SGCD: variants seen among roughly 807,000 people sequenced by gnomAD.
The protein encoded by SGCD is delta-sarcoglycan.
Under a neutral mutation model 36.6 loss-of-function variants are expected in SGCD, and 18 were observed. The observed-to-expected ratio is 0.49, with a 90% CI of 0.34 to 0.73. The LOEUF is 0.73. Ranked by LOEUF, SGCD falls within the 30% of genes least tolerant of loss-of-function variation. The pLI, the probability that SGCD is intolerant of heterozygous loss-of-function variation, is 0.01. For missense variants in SGCD, 387 were observed against 346.7 expected, an observed-to-expected ratio of 1.12 and a Z score of -0.92; for synonymous variants, 133 against 130.6, an observed-to-expected ratio of 1.02 and a Z score of -0.12.
chr5:156,407,459 G>A (rs1329586628), intron 3 of SGCD, among the ~76,000 whole-genome samples: 3 of 152,170 alleles, frequency 2.0e-5, no homozygotes, highest in Non-Finnish European at 2.9e-5. Flanking sequence ...CTAAGCGGGG[G>A]AGGGGATCAT....
At chr5:156,649,000 G>A (rs1354607935) in intron 7 of SGCD, among the ~76,000 whole-genome samples, 1 of 152,080 alleles carries the variant, frequency 6.6e-6, no homozygotes, top group Non-Finnish European at 1.5e-5. Context: ...TTAGCCCCAA[G>A]AAAAAGTGCT....
chr5:156,576,218 T>A (rs1002058206), intron 4 of SGCD, among the ~76,000 whole-genome samples: 9 of 152,180 alleles, frequency 5.9e-5, no homozygotes, highest in Non-Finnish European at 1.2e-4. Context: ...AATGATGGTT[T>A]CCAGCTGCAT....
At chr5:156,483,427 T>G (rs1755526268) in intron 3 of SGCD, among the ~76,000 whole-genome samples, 1 of 152,208 alleles carries the variant, frequency 6.6e-6, no homozygotes, top group Non-Finnish European at 1.5e-5. Context: ...AGAGAATTGA[T>G]ACAAATTGCA....
chr5:156,285,422 A>T (rs147140950), intron 3 of SGCD, among the ~76,000 whole-genome samples: 8,248 of 152,208 alleles, frequency 0.054, 673 homozygotes, highest in African/African-American at 0.17. Flanking sequence ...GACTTCAAAC[A>T]ATACTACACG....
chr5:156,073,979 G>A (rs1561707771), intron 1 of SGCD, among the ~76,000 whole-genome samples: 1 of 152,196 alleles, frequency 6.6e-6, no homozygotes, highest in Non-Finnish European at 1.5e-5. Flanking sequence ...GCTAGGTCTT[G>A]AAGGGTGAGT....
chr5:156,186,274 A>G lies in SGCD; in HGVS notation c.-44+62255A>G, dbSNP rs530236059. 9.8e-4 allele frequency among the ~76,000 whole-genome samples: 149 copies of G among 152,196 alleles called. 1 individual carries two copies. The highest frequency in any genetic ancestry group is 3.4e-3 in the African/African-American group (141 of 41,548). On this transcript the variant is annotated intron_variant, in intron 3 of 9. Coordinates refer to the SGCD transcript ENST00000517913. The stretch of plus-strand genomic sequence containing the variant: ...TGACTTCTATATTGAGTTCTAACAT[A>G]TTGAGGTTGTGACTGGTGGGTAGTT...
chr5:156,263,588 T>A (rs1765923982), intron 3 of SGCD, among the ~76,000 whole-genome samples: 1 of 152,168 alleles, frequency 6.6e-6, no homozygotes, highest in African/African-American at 2.4e-5. Flanking sequence ...TGCAGAAACT[T>A]TTTAGTTTAA....
intron 3 of SGCD, among the ~76,000 whole-genome samples, chr5:156,373,804 G>A (rs1484678643): frequency 6.6e-6 from 1 of 152,128 alleles, no homozygotes; most frequent in Admixed American, 6.6e-5. Flanking sequence ...AGGCCAAGAG[G>A]GTGTGACATA....
At chr5:155,918,770 G>A (rs1056622290) in intron 1 of SGCD, among the ~76,000 whole-genome samples, 3 of 152,158 alleles carry the variant, frequency 2.0e-5, no homozygotes, top group Non-Finnish European at 4.4e-5. Context: ...TTCTGATCCA[G>A]TTTTTCTCTC....
chr5:156,273,037 A>T (rs193127006), intron 3 of SGCD, among the ~76,000 whole-genome samples: 33 of 152,326 alleles, frequency 2.2e-4, no homozygotes, highest in African/African-American at 7.9e-4. Context: ...GGGAAATTTA[A>T]CATTTCCTTT....
At chr5:156,222,508 T>C (rs1168402692) in intron 3 of SGCD, among the ~76,000 whole-genome samples, 1 of 152,118 alleles carries the variant, frequency 6.6e-6, no homozygotes, top group Non-Finnish European at 1.5e-5. Flanking sequence ...GTGAGGTACA[T>C]TGCTGTTATA....
intron 3 of SGCD, among the ~76,000 whole-genome samples, chr5:156,270,341 G>T (rs1219044969): frequency 6.6e-6 from 1 of 152,096 alleles, no homozygotes; most frequent in Non-Finnish European, 1.5e-5. Flanking sequence ...GCCTTCCTTG[G>T]CTATTCAAGC....
Position 156,056,645 on chromosome 5 carries a change from T to TAAAAAAAAAAAAAAAAAAAAAAAAA in SGCD, c.-281-61213_-281-61212insAAAAAAAAAAAAAAAAAAAAAAAAA, listed in dbSNP as rs561328077. Among the ~76,000 whole-genome samples, 6 of 68,254 alleles carry TAAAAAAAAAAAAAAAAAAAAAAAAA rather than the reference T, an allele frequency of 8.8e-5. 1 individual carries two copies. Among genetic ancestry groups the TAAAAAAAAAAAAAAAAAAAAAAAAA allele is most frequent in the East Asian group, 1.3e-3 (2 of 1,572 alleles). 44.8% of individuals were successfully genotyped at this position (68,254 alleles called of 152,430 possible). A position where few individuals can be genotyped will look rare whatever the true frequency, so the allele number is the denominator to read the frequency against. On this transcript the variant is annotated intron_variant, in intron 1 of 9. Transcript: ENST00000517913. ...GGTCCCCTACCTGCCAAATTATCCT[T>TAAAAAAAAAAAAAAAAAAAAAAAAA]AAAAAAAAAAAAAAAAAAAACAGTC...
At chr5:156,674,613 GA>G (rs1206312996) in intron 7 of SGCD, among the ~76,000 whole-genome samples, 1 of 152,156 alleles carries the variant, frequency 6.6e-6, no homozygotes, top group Non-Finnish European at 1.5e-5. Context: ...GCATCAGAAG[GA>G]GAGAGGATTT....
intron 4 of SGCD, among the ~76,000 whole-genome samples, chr5:156,578,909 A>G (rs1031750201): frequency 2.6e-5 from 4 of 152,040 alleles, no homozygotes; most frequent in East Asian, 1.9e-4. Context: ...TTGTGTCTCT[A>G]TGTCCTTCAG....
At chr5:156,690,591 T>C (rs1457582332) in intron 7 of SGCD, among the ~76,000 whole-genome samples, 1 of 152,058 alleles carries the variant, frequency 6.6e-6, no homozygotes, top group Non-Finnish European at 1.5e-5. Context: ...TCTGCTTAGA[T>C]GTGAGAGTTG....
intron 1 of SGCD, among the ~76,000 whole-genome samples, chr5:156,017,887 C>G (rs1759018466): frequency 6.6e-6 from 1 of 152,136 alleles, no homozygotes; most frequent in Non-Finnish European, 1.5e-5. Flanking sequence ...AAGTCAGATG[C>G]AGTGGCTCAC....
chr5:156,355,834 G>A (rs758519156), intron 3 of SGCD, among the ~76,000 whole-genome samples: 5 of 152,078 alleles, frequency 3.3e-5, no homozygotes, highest in Non-Finnish European at 5.9e-5. Context: ...ATGGGGTTTC[G>A]CCATGCTGGC....
intron 3 of SGCD, among the ~76,000 whole-genome samples, chr5:156,216,652 T>C (rs940474581): frequency 6.6e-6 from 1 of 152,242 alleles, no homozygotes; most frequent in Non-Finnish European, 1.5e-5. Context: ...TGGCACAGTT[T>C]TGTAATTTGT....
Sources: allele counts gnomAD v4.1 joint callset (sites outside exome capture counted in the v4.1 genomes callset), GRCh38; gene constraint gnomAD v4.1.1; transcripts MANE v1.5; gene names NCBI Gene and HGNC (gene_info 2026-07-23, HGNC 2026-07-21).